Variants in LARP4B observed in about 807,000 individuals in gnomAD.
LARP4B encodes the protein la-related protein 4B.
In LARP4B, 12 loss-of-function variants were observed where a neutral mutation model predicts 89.8. That is an observed-to-expected ratio of 0.13 (90% CI 0.09 to 0.22). LARP4B has a LOEUF of 0.22. Among genes scored for constraint, LARP4B ranks in the 10% least tolerant of loss-of-function variants. The pLI is 1.00. For synonymous variants in LARP4B, 367 were observed against 363.3 expected (o/e 1.01, Z -0.12); for missense variants, 757 against 947.7 (o/e 0.80, Z 2.64).
the LARP4B span, among the ~76,000 whole-genome samples, chr10:973,704 C>T: frequency 1.3e-5 from 2 of 152,108 alleles, no homozygotes; most frequent in Admixed American, 6.6e-5. Flanking sequence ...CACTGGTTCC[C>T]GTTAGCTAAA....
chr10:876,561 G>A (rs1449849253), intron 3 of LARP4B, among the ~76,000 whole-genome samples: 1 of 152,140 alleles, frequency 6.6e-6, no homozygotes, highest in Non-Finnish European at 1.5e-5. Flanking sequence ...GAACAGGGTT[G>A]GCTCCCCAGG....
intron 1 of LARP4B, among the ~76,000 whole-genome samples, chr10:895,066 G>C (rs1836145847): frequency 1.3e-5 from 2 of 152,116 alleles, no homozygotes; most frequent in South Asian, 2.1e-4. Context: ...TGTGCCTGTA[G>C]TCCCAGCTAC....
Position 864,198 on chromosome 10 carries a change from C to T in LARP4B, c.214G>A (p.Ala72Thr), listed in dbSNP as rs1834773527. The change falls in exon 4 of 18, where the codon GCA (alanine) becomes ACA (threonine). Residue 72 changes from alanine to threonine, a missense_variant. Coordinates refer to ENST00000316157, the MANE Select transcript of LARP4B (RefSeq NM_015155.3). ...CTCACACCGTCAGCAGCACTGCTTG[C>T]TTCCAGATGTAACACAGGAGCCCCC... ...VWGAPVLHLE[A>T]SSAADGVSAA... 2 of 1,614,252 alleles carry T rather than the reference C, an allele frequency of 1.2e-6. No homozygotes were observed. Among genetic ancestry groups the T allele is most frequent in the South Asian group, 2.2e-5 (2 of 91,088 alleles).
intron 1 of LARP4B, among the ~76,000 whole-genome samples, chr10:929,221 C>CA (rs201167755): frequency 1.4e-3 from 203 of 150,160 alleles, no homozygotes; most frequent in Middle Eastern, 3.4e-3. Flanking sequence ...GTAAACAAGC[C>CA]AAAAAAAACA....
chr10:879,837 T>C (rs1295242767), intron 3 of LARP4B, among the ~76,000 whole-genome samples: 1 of 152,006 alleles, frequency 6.6e-6, no homozygotes. Flanking sequence ...GCAATGGCAC[T>C]ATCTCGGCTC....
At chr10:895,014 T>C (rs1015610559) in intron 1 of LARP4B, among the ~76,000 whole-genome samples, 2 of 152,052 alleles carry the variant, frequency 1.3e-5, no homozygotes, top group African/African-American at 4.8e-5. Flanking sequence ...AGTGAAACCC[T>C]GTCTCTACTA....
chr10:861,431 T>C (rs1564413063), intron 5 of LARP4B, among the ~76,000 whole-genome samples: 1 of 152,180 alleles, frequency 6.6e-6, no homozygotes, highest in Non-Finnish European at 1.5e-5. Context: ...TAATGCTTTA[T>C]AGGAGTGAGA....
intron 1 of LARP4B, among the ~76,000 whole-genome samples, chr10:898,228 T>C (rs185178359): frequency 4.6e-5 from 7 of 152,304 alleles, no homozygotes; most frequent in Non-Finnish European, 8.8e-5. Context: ...ATCAGAAAGA[T>C]AGGTAATATC....
Position 812,981 on chromosome 10 carries a change from G to A in LARP4B, c.2162C>T (p.Ala721Val). The A allele has an allele frequency of 6.3e-7, 1 of 1,579,784 alleles. No individual in the cohort carries two copies. The highest frequency in any genetic ancestry group is 8.5e-7 in the Non-Finnish European group (1 of 1,170,958). ...CTCTCGGCTGAGACGCTTCCCCATGGCCGAGGGCGAGGGCCGGCCCCCCGC... is the reference window on the plus strand; with the variant it reads ...CTCTCGGCTGAGACGCTTCCCCATGACCGAGGGCGAGGGCCGGCCCCCCGC... ...RPAGGRPSPS[A>V]MGKRLSREQS... The change falls in exon 18 of 18, where the codon GCC becomes GTC. Residue 721 changes from alanine to valine, a missense_variant. Ala to Val is a moderately conservative substitution (Grantham distance 64). This residue lies in a region of LARP4B where 387 missense variants were observed against 423.6 expected (regional missense o/e 0.91). Transcript: ENST00000316157.
chr10:867,620 G>T (rs1025644699), intron 3 of LARP4B, among the ~76,000 whole-genome samples: 5 of 152,184 alleles, frequency 3.3e-5, no homozygotes, highest in Admixed American at 2.0e-4. Flanking sequence ...CAGCATGTTG[G>T]GAGGCCAAGA....
chr10:814,811 A>G lies in LARP4B; in HGVS notation c.1860T>C (p.Ser620=), dbSNP rs890220278. 1 of 1,600,770 alleles carries G rather than the reference A, an allele frequency of 6.2e-7. No homozygotes were observed. Among genetic ancestry groups the G allele is most frequent in the African/African-American group, 1.3e-5 (1 of 74,644 alleles). Residue 620 remains serine, a synonymous_variant, in exon 17 of 18, where the codon AGT becomes AGC. Coordinates refer to ENST00000316157, the MANE Select transcript of LARP4B (RefSeq NM_015155.3). This position sits in a 1 kb window ranked among gnomAD's most constrained non-coding sequence, Gnocchi z 4.4. ...TGAGGGCGGAAGGAAGTCTGTCCACACTGTGGGTTTCCCTCTGTTTCTCCG... is the reference window on the plus strand; with the variant it reads ...TGAGGGCGGAAGGAAGTCTGTCCACGCTGTGGGTTTCCCTCTGTTTCTCCG... ...KVAEKQRETH[S]VDRLPSALTA...
chr10:911,167 G>A (rs1423637705), intron 1 of LARP4B, among the ~76,000 whole-genome samples: 1 of 152,180 alleles, frequency 6.6e-6, no homozygotes, highest in Non-Finnish European at 1.5e-5. Context: ...CATCCTTTAA[G>A]TGTCTAAAAT....
At chr10:912,745 C>T (rs951435893) in intron 1 of LARP4B, among the ~76,000 whole-genome samples, 11 of 150,490 alleles carry the variant, frequency 7.3e-5, no homozygotes, top group Admixed American at 3.3e-4. Flanking sequence ...AAAAAATTAG[C>T]GGGGCATGGT....
intron 5 of LARP4B, among the ~76,000 whole-genome samples, chr10:852,101 A>G (rs1834085342): frequency 6.6e-6 from 1 of 151,942 alleles, no homozygotes; most frequent in South Asian, 2.1e-4. Flanking sequence ...TAAGAAAGGA[A>G]AGAAGAAAAA....
In LARP4B at chr10:884,524, A is replaced by G; in HGVS notation, c.82-18T>C. The G allele has an allele frequency of 6.5e-7, 1 of 1,541,650 alleles. No homozygotes were observed. Among genetic ancestry groups the G allele is most frequent in the Non-Finnish European group, 9.0e-7 (1 of 1,114,582 alleles). On this transcript the variant is annotated intron_variant, in intron 2 of 17. Transcript: ENST00000316157. ...CCATTCATCTGTAAAATTGAAAACA[A>G]AGACAACATCAGTACAATGTTTAAA...
chr10:907,627 T>G (rs1298368884), intron 1 of LARP4B, among the ~76,000 whole-genome samples: 1 of 152,190 alleles, frequency 6.6e-6, no homozygotes, highest in African/African-American at 2.4e-5. Context: ...GGATGTGAGA[T>G]CGTGAAATAT....
chr10:864,762 T>G (rs1347941930), intron 3 of LARP4B, among the ~76,000 whole-genome samples: 1 of 152,212 alleles, frequency 6.6e-6, no homozygotes, highest in African/African-American at 2.4e-5. Context: ...ATGACCAGCT[T>G]GGCCAACATG....
intron 15 of LARP4B, chr10:815,338 T>C: frequency 3.5e-6 from 1 of 281,834 alleles, no homozygotes; most frequent in Non-Finnish European, 6.6e-6. Flanking sequence ...TACAAGCTTA[T>C]TTCTTAACTG....
chr10:915,884 G>C (rs1836806928), intron 1 of LARP4B, among the ~76,000 whole-genome samples: 1 of 151,294 alleles, frequency 6.6e-6, no homozygotes, highest in Non-Finnish European at 1.5e-5. Context: ...CAATTATCTG[G>C]CTAAATGACT....
Sources: gnomAD v4.1 joint callset for allele counts (sites outside exome capture counted in the v4.1 genomes callset) on GRCh38, gnomAD v4.1.1 for gene constraint, gnomAD v4.1.1 regional missense constraint, Gnocchi (gnomAD v3.1) non-coding constraint, MANE v1.5 for transcripts, NCBI Gene and HGNC (gene_info 2026-07-23, HGNC 2026-07-21) for gene names.